HPSE2: variants seen among roughly 807,000 people sequenced by gnomAD.
HPSE2 encodes the protein heparanase 2 (inactive).
Under a neutral mutation model 60.5 loss-of-function variants are expected in HPSE2, and 38 were observed. That is an observed-to-expected ratio of 0.63 (90% CI 0.48 to 0.82). The LOEUF (loss-of-function observed/expected upper bound fraction) is 0.82, where lower values mean the gene tolerates loss of function less well. HPSE2 is among the 40% of genes least tolerant of loss of function. The pLI, the probability that HPSE2 is intolerant of heterozygous loss-of-function variation, is 0.00. For synonymous variants in HPSE2, 295 were observed against 293.2 expected (o/e 1.01, Z -0.06); for missense variants, 713 against 740.4 (o/e 0.96, Z 0.43).
At chr10:99,200,224 G>A (rs1415525036) in intron 2 of HPSE2, among the ~76,000 whole-genome samples, 2 of 152,020 alleles carry the variant, frequency 1.3e-5, no homozygotes, top group African/African-American at 4.8e-5. Flanking sequence ...TGGGCAGCTA[G>A]TGACCCATTA....
At chr10:98,493,128 G>A (rs1326759544) in intron 9 of HPSE2, among the ~76,000 whole-genome samples, 1 of 152,186 alleles carries the variant, frequency 6.6e-6, no homozygotes, top group Admixed American at 6.5e-5. Context: ...GTTCATCCAT[G>A]TTGTAGCATA....
At chr10:99,165,681 G>T (rs1312501970) in intron 2 of HPSE2, among the ~76,000 whole-genome samples, 1 of 151,966 alleles carries the variant, frequency 6.6e-6, no homozygotes, top group Non-Finnish European at 1.5e-5. Context: ...TGAGTAGCTG[G>T]GATTACAGAT....
chr10:99,141,691 C>G (rs771328745), intron 3 of HPSE2, among the ~76,000 whole-genome samples: 1 of 152,074 alleles, frequency 6.6e-6, no homozygotes, highest in Admixed American at 6.6e-5. Context: ...AAATAAGTGG[C>G]TGTTTAACAG....
intron 8 of HPSE2, among the ~76,000 whole-genome samples, chr10:98,619,487 T>TTC (rs548727839): frequency 6.6e-6 from 1 of 152,172 alleles, no homozygotes; most frequent in African/African-American, 2.4e-5. Context: ...CAGATTTTTT[T>TTC]TCTCTCTCTC....
intron 3 of HPSE2, among the ~76,000 whole-genome samples, chr10:98,829,342 A>G (rs979626519): frequency 8.5e-5 from 13 of 152,156 alleles, no homozygotes; most frequent in African/African-American, 2.9e-4. Flanking sequence ...AGCCTGGCCA[A>G]TATAGCGAAA....
intron 3 of HPSE2, among the ~76,000 whole-genome samples, chr10:99,115,405 T>C (rs10883270): frequency 0.84 from 127,961 of 151,944 alleles, 54,943 homozygotes; most frequent in South Asian, 0.97. Flanking sequence ...CCGCCCGCCT[T>C]GGCCTCCCAA....
intron 3 of HPSE2, among the ~76,000 whole-genome samples, chr10:98,968,004 A>G (rs1003410125): frequency 6.6e-6 from 1 of 152,176 alleles, no homozygotes; most frequent in Non-Finnish European, 1.5e-5. Flanking sequence ...ATTAAGGTCT[A>G]AAACCTTTAA....
At chr10:99,145,993 A>G (rs1846039352) in intron 2 of HPSE2, among the ~76,000 whole-genome samples, 1 of 152,220 alleles carries the variant, frequency 6.6e-6, no homozygotes, top group African/African-American at 2.4e-5. Context: ...TTATGCCTAA[A>G]CATGTATATA....
chr10:98,756,279 G>A (rs7913008), intron 3 of HPSE2, among the ~76,000 whole-genome samples: 105,372 of 151,866 alleles, frequency 0.69, 37,648 homozygotes, highest in Non-Finnish European at 0.8. Context: ...GAAAACAAGA[G>A]AAAACAATGC....
chr10:98,844,066 T>C lies in HPSE2; in HGVS notation c.611-100010A>G, dbSNP rs7896899. ...GGGGCTTATTTATATGAAGCAATAT[T>C]GAACGTGATTCTACTTCTAAGCTAT... On this transcript the variant is annotated intron_variant, in intron 3 of 11. Transcript: ENST00000370552. Among the ~76,000 whole-genome samples, 363 of 152,330 alleles carry C rather than the reference T, an allele frequency of 2.4e-3. 3 individuals are homozygous for C. The highest frequency in any genetic ancestry group is 8.3e-3 in the African/African-American group (345 of 41,570).
chr10:99,003,119 C>T (rs888902947), intron 3 of HPSE2, among the ~76,000 whole-genome samples: 1 of 152,050 alleles, frequency 6.6e-6, no homozygotes, highest in Admixed American at 6.6e-5. Context: ...TCTTTCTTTG[C>T]CTCTTTATTT....
intron 6 of HPSE2, among the ~76,000 whole-genome samples, chr10:98,663,220 G>GTACCA (rs1275672690): frequency 6.6e-6 from 1 of 152,144 alleles, no homozygotes; most frequent in Non-Finnish European, 1.5e-5. Flanking sequence ...TATCTGCTAT[G>GTACCA]TACCAGGCAC....
the HPSE2 span, among the ~76,000 whole-genome samples, chr10:99,263,877 C>T: frequency 6.6e-6 from 1 of 152,160 alleles, no homozygotes; most frequent in Non-Finnish European, 1.5e-5. Flanking sequence ...CCCCAGTCCA[C>T]CACTCTTGAC....
intron 9 of HPSE2, among the ~76,000 whole-genome samples, chr10:98,527,138 C>T (rs904406383): frequency 2.0e-5 from 3 of 152,110 alleles, no homozygotes; most frequent in African/African-American, 7.2e-5. Context: ...TCATCTGTCC[C>T]CTTCTGCCTT....
chr10:98,511,016 A>G (rs974808130), intron 9 of HPSE2, among the ~76,000 whole-genome samples: 2 of 152,208 alleles, frequency 1.3e-5, no homozygotes, highest in African/African-American at 4.8e-5. Context: ...AAAGTTATGT[A>G]TTGACTCTAA....
chr10:99,133,760 G>A (rs936903540), intron 3 of HPSE2, among the ~76,000 whole-genome samples: 1 of 152,150 alleles, frequency 6.6e-6, no homozygotes, highest in African/African-American at 2.4e-5. Flanking sequence ...CCACAAAGAT[G>A]GGGAGAAACC....
intron 9 of HPSE2, among the ~76,000 whole-genome samples, chr10:98,526,024 G>A (rs1388077061): frequency 1.3e-5 from 2 of 152,078 alleles, no homozygotes; most frequent in African/African-American, 4.8e-5. Context: ...ATATACCCTC[G>A]TTACTCTGTA....
At chr10:98,805,238 C>G (rs759856301) in intron 3 of HPSE2, among the ~76,000 whole-genome samples, 3 of 152,004 alleles carry the variant, frequency 2.0e-5, no homozygotes, top group Non-Finnish European at 2.9e-5. Context: ...TTATTTATAT[C>G]CTACTACTCA....
intron 3 of HPSE2, among the ~76,000 whole-genome samples, chr10:98,974,282 C>T (rs2135276948): frequency 6.6e-6 from 1 of 151,268 alleles, no homozygotes; most frequent in African/African-American, 2.4e-5. Context: ...CAGAGTGACT[C>T]TGGAAAAAAA....
Sources: allele counts gnomAD v4.1 joint callset (sites outside exome capture counted in the v4.1 genomes callset), GRCh38; gene constraint gnomAD v4.1.1; transcripts MANE v1.5; gene names NCBI Gene and HGNC (gene_info 2026-07-23, HGNC 2026-07-21).